TACC2: variants seen among roughly 807,000 people sequenced by gnomAD.
TACC2 encodes transforming acidic coiled-coil-containing protein 2.
Under a neutral mutation model 227.3 loss-of-function variants are expected in TACC2, and 137 were observed. The ratio of observed to expected loss-of-function variants is 0.60; its 90% CI spans 0.52 to 0.69. The LOEUF (loss-of-function observed/expected upper bound fraction) is 0.69, where lower values mean the gene tolerates loss of function less well. TACC2 is among the 30% of genes least tolerant of loss of function. TACC2 has a pLI of 0.00. For synonymous variants in TACC2, 1,523 were observed against 1,487.5 expected (o/e 1.02, Z -0.55); for missense variants, 3,470 against 3,694.4 (o/e 0.94, Z 1.57).
intron 6 of TACC2, 98 bp downstream of exon 6, chr10:122,132,832 T>G: frequency 7.6e-7 from 1 of 1,321,442 alleles, no homozygotes; most frequent in Non-Finnish European, 1.1e-6. Context: ...CTCCTCTCTT[T>G]TCTCCTGCAG....
chr10:122,070,760 A>G (rs982197576), intron 3 of TACC2, among the ~76,000 whole-genome samples: 23 of 151,100 alleles, frequency 1.5e-4, no homozygotes, highest in Non-Finnish European at 3.2e-4. Context: ...TCTCAAAAAA[A>G]AAAAAAAAAA....
At chr10:122,231,065 G>GT (rs1265782153) in intron 16 of TACC2, among the ~76,000 whole-genome samples, 6 of 151,958 alleles carry the variant, frequency 3.9e-5, no homozygotes, top group East Asian at 1.9e-4. Context: ...TTGTTTGTTT[G>GT]TTTTTTTACA....
In TACC2 at chr10:122,143,656, A is replaced by G. The variant is rs1184882845; in HGVS notation, c.5784A>G (p.Arg1928=). The change falls in exon 7 of 23, where the codon AGA becomes AGG. Residue 1928 remains arginine, a synonymous_variant. Coordinates refer to ENST00000369005, the MANE Select transcript of TACC2 (RefSeq NM_206862.4). ...CGCCATCTGCCCCAGCTGGTGACAG[A>G]GTAGAAGCTTCCACTCCCTCCTGCC... ...IVSPSAPAGD[R]VEASTPSCPD... is the part of the protein sequence containing the mutation. 6.2e-7 allele frequency: 1 copy of G among 1,614,132 alleles called. No individual in the cohort carries two copies. The highest frequency in any genetic ancestry group is 8.5e-7 in the Non-Finnish European group (1 of 1,180,022).
chr10:122,124,367 C>A (rs2086417396), intron 5 of TACC2, among the ~76,000 whole-genome samples: 1 of 152,232 alleles, frequency 6.6e-6, no homozygotes. Flanking sequence ...TTCCAAAGCT[C>A]TCACTTCGGC....
At chr10:122,215,710 A>T (rs1446755677) in intron 10 of TACC2, among the ~76,000 whole-genome samples, 2 of 152,168 alleles carry the variant, frequency 1.3e-5, no homozygotes, top group Non-Finnish European at 2.9e-5. Flanking sequence ...ACTCTGCTCC[A>T]TTCAGGCCAG....
intron 19 of TACC2, among the ~76,000 whole-genome samples, chr10:122,244,100 C>G (rs2096061563): frequency 6.6e-6 from 1 of 152,162 alleles, no homozygotes; most frequent in African/African-American, 2.4e-5. Context: ...GAGTTCCCTC[C>G]AAGCCCTGGA....
At chr10:122,008,551 C>T (rs547253407) in intron 1 of TACC2, among the ~76,000 whole-genome samples, 18 of 148,792 alleles carry the variant, frequency 1.2e-4, no homozygotes, top group Middle Eastern at 3.8e-3. Flanking sequence ...TGAGCCACTG[C>T]GCCCAGCACT....
rs1564726248 is a variant in TACC2 at position 122,229,387 on chromosome 10, C to T, written c.7938C>T (p.Leu2646=). The change falls in exon 15 of 23, where the codon CTC becomes CTT. Residue 2646 remains leucine, a synonymous_variant. Transcript: ENST00000369005. ...CCTTTGCCTCTGCTGACGCCCTCCT[C>T]AGCAGGCTAGCTCACCCCGTCTCTC... ...EGSFASADAL[L]SRLAHPVSLC... 1 of 1,614,086 alleles carries T rather than the reference C, an allele frequency of 6.2e-7. No individual in the cohort carries two copies.
At chr10:122,139,061 A>T (rs1243862810) in intron 6 of TACC2, among the ~76,000 whole-genome samples, 1 of 152,180 alleles carries the variant, frequency 6.6e-6, no homozygotes, top group East Asian at 1.9e-4. Flanking sequence ...GGGATTCATA[A>T]CTTGGACGAT....
intron 3 of TACC2, among the ~76,000 whole-genome samples, chr10:122,076,951 C>T (rs920416968): frequency 2.0e-5 from 3 of 151,856 alleles, no homozygotes; most frequent in South Asian, 2.1e-4. Flanking sequence ...CCTATCTCTA[C>T]TAAAAATATG....
chr10:122,021,794 T>C, intron 1 of TACC2, 143 bp from the exon 2 acceptor site: 1 of 596,568 alleles, frequency 1.7e-6, no homozygotes, highest in Non-Finnish European at 3.0e-6. Flanking sequence ...AAGAAAACCC[T>C]TCAAAAGTAA....
chr10:122,148,685 C>T (rs2091696524), intron 7 of TACC2, among the ~76,000 whole-genome samples: 1 of 152,248 alleles, frequency 6.6e-6, no homozygotes. Flanking sequence ...TGCTGGGTGA[C>T]TTCCTGCTGC....
chr10:122,162,066 C>T (rs1392417415), intron 7 of TACC2, among the ~76,000 whole-genome samples: 4 of 152,192 alleles, frequency 2.6e-5, no homozygotes, highest in East Asian at 1.9e-4. Flanking sequence ...CACACCACCC[C>T]GACAGCCACC....
At chr10:122,171,785 C>G (rs11200450) in intron 7 of TACC2, among the ~76,000 whole-genome samples, 41,789 of 152,124 alleles carry the variant, frequency 0.27, 6,149 homozygotes, top group African/African-American at 0.38. Context: ...ATTCTTTGTC[C>G]CATGAGGAAA....
chr10:122,234,361 C>A (rs1392125469), intron 16 of TACC2, among the ~76,000 whole-genome samples: 2 of 152,262 alleles, frequency 1.3e-5, no homozygotes, highest in African/African-American at 4.8e-5. Flanking sequence ...AAAGGCCATG[C>A]CTTCTGCGTC....
intron 2 of TACC2, among the ~76,000 whole-genome samples, chr10:122,028,081 TTTC>T: frequency 3.5e-5 from 4 of 115,094 alleles, no homozygotes; most frequent in South Asian, 2.8e-4. Context: ...TCTTTCTTTC[TTTC>T]TTTTTTTTTT....
chr10:122,183,315 A>G (rs2094043397), intron 7 of TACC2, among the ~76,000 whole-genome samples: 1 of 152,186 alleles, frequency 6.6e-6, no homozygotes, highest in African/African-American at 2.4e-5. Context: ...CCTGTTTGCA[A>G]GAGTCCACCC....
intron 16 of TACC2, among the ~76,000 whole-genome samples, chr10:122,232,161 T>C (rs2095765174): frequency 6.6e-6 from 1 of 152,218 alleles, no homozygotes; most frequent in Non-Finnish European, 1.5e-5. Context: ...TGAATTTCCA[T>C]GAAAGCGAGA....
At chr10:122,061,673 C>G (rs2076839682) in intron 3 of TACC2, among the ~76,000 whole-genome samples, 1 of 152,142 alleles carries the variant, frequency 6.6e-6, no homozygotes. Context: ...CACGGGCCCA[C>G]TACACACTAC....
Sources: gnomAD v4.1 joint callset for allele counts (sites outside exome capture counted in the v4.1 genomes callset) on GRCh38, gnomAD v4.1.1 for gene constraint, MANE v1.5 for transcripts, NCBI Gene and HGNC (gene_info 2026-07-23, HGNC 2026-07-21) for gene names.